HORMAD2: variants seen among roughly 807,000 people sequenced by gnomAD.
HORMAD2 encodes the protein HORMA domain-containing protein 2.
HORMAD2 carries 45 observed loss-of-function variants against 38.8 expected under a neutral mutation model. That is an observed-to-expected ratio of 1.16 (90% CI 0.91 to 1.49). The LOEUF (loss-of-function observed/expected upper bound fraction) is 1.49, where lower values mean the gene tolerates loss of function less well. HORMAD2 is among the 40% of genes most tolerant of loss of function. The pLI, the probability that HORMAD2 is intolerant of heterozygous loss-of-function variation, is 0.00. For synonymous variants in HORMAD2, 126 were observed against 122.8 expected (o/e 1.03, Z -0.17); for missense variants, 338 against 367.0 (o/e 0.92, Z 0.65).
rs549841049 is a variant in HORMAD2 at position 30,098,841 on chromosome 22, TG to T, written c.52-10del. 19 of 1,607,460 alleles carry T rather than the reference TG, an allele frequency of 1.2e-5. No homozygotes were observed. In the African/African-American group the frequency reaches 2.3e-4, roughly 19 times the overall value. ...AATACTAATCTTTTTTCACCTCCGT[TG>T]TTTTTCCAGGAAACAGTTTTCCCAT... On this transcript the variant is annotated splice_polypyrimidine_tract_variant and intron_variant, in intron 2 of 10. Coordinates refer to ENST00000336726, the MANE Select transcript of HORMAD2 (RefSeq NM_152510.4).
intron 10 of HORMAD2, among the ~76,000 whole-genome samples, chr22:30,139,972 T>C (rs922078450): frequency 2.0e-5 from 3 of 152,080 alleles, no homozygotes; most frequent in African/African-American, 7.3e-5. Context: ...TGTGTGTGTG[T>C]GTATTTATAT....
intron 10 of HORMAD2, among the ~76,000 whole-genome samples, chr22:30,134,005 T>C (rs1045750150): frequency 1.3e-5 from 2 of 152,166 alleles, no homozygotes; most frequent in Non-Finnish European, 2.9e-5. Flanking sequence ...CTTTCTGCTT[T>C]GATGACCAAA....
intron 10 of HORMAD2, among the ~76,000 whole-genome samples, chr22:30,165,620 A>AT (rs943739920): frequency 1.3e-5 from 2 of 151,920 alleles, no homozygotes; most frequent in African/African-American, 2.4e-5. Flanking sequence ...GTTATAAATA[A>AT]TTTTTTTCTA....
intron 10 of HORMAD2, among the ~76,000 whole-genome samples, chr22:30,153,658 C>T (rs1470255498): frequency 6.6e-6 from 1 of 152,174 alleles, no homozygotes. Context: ...CTTTAACCCA[C>T]TTTAATCAAG....
chr22:30,130,061 T>G (rs1389975237), intron 10 of HORMAD2, among the ~76,000 whole-genome samples: 1 of 152,142 alleles, frequency 6.6e-6, no homozygotes, highest in Non-Finnish European at 1.5e-5. Context: ...AAATTTTATT[T>G]AAAATTAAAA....
downstream of HORMAD2, among the ~76,000 whole-genome samples, chr22:30,177,735 T>G (rs2123754258): frequency 6.7e-6 from 1 of 149,954 alleles, no homozygotes; most frequent in South Asian, 2.1e-4. Context: ...TTTTTTTTTT[T>G]TCAACATAAT....
chr22:30,188,833 A>T, the HORMAD2 span, among the ~76,000 whole-genome samples: 1 of 152,218 alleles, frequency 6.6e-6, no homozygotes, highest in Non-Finnish European at 1.5e-5. Context: ...CTGCTGTTCG[A>T]AATTTTAAAA....
At chr22:30,085,571 T>C (rs1160405411) in intron 1 of HORMAD2, among the ~76,000 whole-genome samples, 3 of 152,056 alleles carry the variant, frequency 2.0e-5, no homozygotes, top group Non-Finnish European at 4.4e-5. Context: ...CTGGCCAACA[T>C]GGCTAAACCC....
intron 7 of HORMAD2, among the ~76,000 whole-genome samples, chr22:30,114,161 T>C (rs1246003411): frequency 6.6e-6 from 1 of 152,164 alleles, no homozygotes; most frequent in African/African-American, 2.4e-5. Context: ...ATAATGAAGT[T>C]AGGAAACAAA....
intron 3 of HORMAD2, 72 bp downstream of exon 3, chr22:30,099,065 C>T (rs1346339872): frequency 5.2e-6 from 7 of 1,351,242 alleles, no homozygotes; most frequent in Admixed American, 2.6e-5. Context: ...AAACCTTTCA[C>T]GTCTCACAAA....
At chr22:30,130,965 G>C (rs1033512789) in intron 10 of HORMAD2, among the ~76,000 whole-genome samples, 1 of 152,024 alleles carries the variant, frequency 6.6e-6, no homozygotes, top group Non-Finnish European at 1.5e-5. Context: ...AAACACAAAA[G>C]CACTTCACAT....
At chr22:30,144,567 A>T (rs142916619) in intron 10 of HORMAD2, among the ~76,000 whole-genome samples, 192 of 152,334 alleles carry the variant, frequency 1.3e-3, no homozygotes, top group Non-Finnish European at 1.9e-3. Flanking sequence ...GGAGCTAGGT[A>T]CGGGGACAAC....
chr22:30,101,593 A>G lies in HORMAD2; in HGVS notation c.194-1844A>G, dbSNP rs530166689. On this transcript the variant is annotated intron_variant, in intron 3 of 10. Transcript: ENST00000336726. ...TATTCCAGAACTTAAAGTATTAAAAAAAAAAAAAGCTGGATTGTGAATCTT... is the reference window on the plus strand; with the variant it reads ...TATTCCAGAACTTAAAGTATTAAAAGAAAAAAAAGCTGGATTGTGAATCTT... Among the ~76,000 whole-genome samples, 4 of 152,296 alleles carry G rather than the reference A, an allele frequency of 2.6e-5. No individual in the cohort carries two copies. In the South Asian group the frequency reaches 8.3e-4, roughly 32 times the overall value.
At chr22:30,123,730 A>G (rs1922624493) in intron 10 of HORMAD2, among the ~76,000 whole-genome samples, 1 of 151,630 alleles carries the variant, frequency 6.6e-6, no homozygotes, top group Non-Finnish European at 1.5e-5. Flanking sequence ...GGAGTGCAGT[A>G]GTTGATCACA....
At chr22:30,180,217 C>T (rs1247937601), downstream of HORMAD2, among the ~76,000 whole-genome samples, 1 of 152,114 alleles carries the variant, frequency 6.6e-6, no homozygotes, top group African/African-American at 2.4e-5. Flanking sequence ...CTGGACTTAC[C>T]TGTGCCATGA....
Position 30,121,731 on chromosome 22 carries a change from C to T in HORMAD2, c.510C>T (p.Asp170=). ...GTAAATTGTATATACTGATGCAGGA[C>T]CTTGAGCCACTTCCTAATAATGTTG... The part of the protein sequence containing the change: ...LIRKLYILMQ[D]LEPLPNNVVL... Residue 170 remains aspartate, a synonymous_variant, in exon 9 of 11, where the codon GAC becomes GAT. Coordinates refer to ENST00000336726, the MANE Select transcript of HORMAD2 (RefSeq NM_152510.4). The T allele has an allele frequency of 6.2e-7, 1 of 1,612,218 alleles. No individual in the cohort carries two copies. Among genetic ancestry groups the T allele is most frequent in the Non-Finnish European group, 8.5e-7 (1 of 1,179,026 alleles).
downstream of HORMAD2, among the ~76,000 whole-genome samples, chr22:30,179,980 C>T (rs1186154023): frequency 6.6e-6 from 1 of 152,112 alleles, no homozygotes; most frequent in African/African-American, 2.4e-5. Context: ...CCTTGACCTC[C>T]CAGGTTCAAG....
At chr22:30,146,293 C>T (rs990529652) in intron 10 of HORMAD2, among the ~76,000 whole-genome samples, 1 of 151,988 alleles carries the variant, frequency 6.6e-6, no homozygotes, top group African/African-American at 2.4e-5. Context: ...GAGATTGAGA[C>T]CATCCTGTCC....
chr22:30,129,872 C>G (rs930090398), intron 10 of HORMAD2, among the ~76,000 whole-genome samples: 1 of 151,998 alleles, frequency 6.6e-6, no homozygotes, highest in African/African-American at 2.4e-5. Context: ...AGAGGACATT[C>G]CAGGCAAGTT....
Sources: gnomAD v4.1 joint callset for allele counts (sites outside exome capture counted in the v4.1 genomes callset) on GRCh38, gnomAD v4.1.1 for gene constraint, MANE v1.5 for transcripts, NCBI Gene and HGNC (gene_info 2026-07-23, HGNC 2026-07-21) for gene names.